PDE4DIP: variants seen among roughly 807,000 people sequenced by gnomAD.
PDE4DIP encodes the protein myomegalin.
A neutral mutation model predicts 221.4 loss-of-function variants in PDE4DIP; 59 were observed. The observed-to-expected ratio is 0.27, with a 90% CI of 0.22 to 0.33. The LOEUF is 0.33. PDE4DIP is among the 10% of genes least tolerant of loss of function. The pLI, the probability that PDE4DIP is intolerant of heterozygous loss-of-function variation, is 1.00. For missense variants in PDE4DIP, 1,036 were observed against 2,154.2 expected, an observed-to-expected ratio of 0.48 and a Z score of 10.28; for synonymous variants, 404 against 815.9, an observed-to-expected ratio of 0.50 and a Z score of 8.60.
intron 4 of PDE4DIP, among the ~76,000 whole-genome samples, chr1:148,934,379 A>T (rs1553473382): frequency 1.3e-5 from 2 of 152,030 alleles, no homozygotes; most frequent in Admixed American, 1.3e-4. Flanking sequence ...ACATCTGAAA[A>T]TAAATTGAGG....
At chr1:148,959,488 A>C (rs1466260876) in intron 5 of PDE4DIP, among the ~76,000 whole-genome samples, 1 of 152,044 alleles carries the variant, frequency 6.6e-6, no homozygotes, top group African/African-American at 2.4e-5. Context: ...AGGGAAACAA[A>C]AAATGAATAG....
intron 2 of PDE4DIP, chr1:148,930,615 A>G (rs1403446564): frequency 6.6e-6 from 1 of 152,102 alleles, no homozygotes; most frequent in African/African-American, 2.4e-5. Flanking sequence ...CTAAAAAAAA[A>G]AAAAAATACC....
rs370573077 is a variant in PDE4DIP, at chr1:149,010,413, T to C, written c.4928-30T>C. 3.3e-4 allele frequency: 532 copies of C among 1,608,950 alleles called. 3 individuals carry two copies. The African/African-American group carries it at 6.4e-3, about 19-fold the overall frequency. On this transcript the variant is annotated intron_variant, in intron 30 of 43. Transcript: ENST00000369354. The stretch of plus-strand genomic sequence containing the variant: ...GATTCCAGTTCTCTGTAGAACATCA[T>C]ACGTTTTCTTTCATTCATGGATTTT...
intron 37 of PDE4DIP, among the ~76,000 whole-genome samples, chr1:149,023,754 A>G (rs1246591683): frequency 9.2e-6 from 1 of 108,916 alleles, no homozygotes; most frequent in African/African-American, 3.6e-5. Flanking sequence ...ATGTGTGCAC[A>G]TATATATGTA....
chr1:148,961,580 T>G (rs587660754), intron 6 of PDE4DIP, among the ~76,000 whole-genome samples: 3 of 152,242 alleles, frequency 2.0e-5, no homozygotes, highest in African/African-American at 7.2e-5. Flanking sequence ...GACAAGTTCC[T>G]AGTATGGCTG....
chr1:148,956,507 A>T (rs1211521718), intron 5 of PDE4DIP, among the ~76,000 whole-genome samples: 1 of 152,164 alleles, frequency 6.6e-6, no homozygotes, highest in Non-Finnish European at 1.5e-5. Flanking sequence ...GAATTTATGT[A>T]TGAGGACCTA....
intron 1 of PDE4DIP, among the ~76,000 whole-genome samples, chr1:148,919,333 G>A (rs2044885548): frequency 6.6e-6 from 1 of 151,606 alleles, no homozygotes; most frequent in African/African-American, 2.4e-5. Context: ...AAAGCTTTGG[G>A]GACGACCAGT....
At chr1:149,020,068 G>C in intron 35 of PDE4DIP, 79 bp from the exon 39 acceptor site, 1 of 524,678 alleles carries the variant, frequency 1.9e-6, no homozygotes, top group Middle Eastern at 5.1e-4. Context: ...CTGTCTGTCA[G>C]GGTGGATGTG....
At chr1:148,996,838 C>T (rs2064333323) in intron 22 of PDE4DIP, among the ~76,000 whole-genome samples, 1 of 152,146 alleles carries the variant, frequency 6.6e-6, no homozygotes, top group Non-Finnish European at 1.5e-5. Context: ...ATTAATTCTA[C>T]AAGTTATCCC....
intron 32 of PDE4DIP, among the ~76,000 whole-genome samples, chr1:149,015,834 C>G (rs1311297690): frequency 6.6e-6 from 1 of 152,164 alleles, no homozygotes; most frequent in Admixed American, 6.5e-5. Context: ...CTGAAAAACT[C>G]CAACGTGGAA....
intron 17 of PDE4DIP, among the ~76,000 whole-genome samples, chr1:148,976,078 T>G (rs200090834): frequency 0.045 from 6,697 of 149,426 alleles, 369 homozygotes; most frequent in East Asian, 0.39. Flanking sequence ...CATTATCTGA[T>G]TATTCATGTC....
exon 19 of PDE4DIP, chr1:148,978,380 C>A: frequency 6.2e-7 from 1 of 1,610,126 alleles, no homozygotes; most frequent in Non-Finnish European, 8.5e-7. Context: ...AGTAGAATCC[C>A]AGGGTCAAGA....
chr1:148,970,507 T>C (rs1173731642), intron 14 of PDE4DIP, among the ~76,000 whole-genome samples: 6 of 150,520 alleles, frequency 4.0e-5, no homozygotes, highest in African/African-American at 1.5e-4. Flanking sequence ...TGTATTCTTC[T>C]AGATCTGCTT....
At position 148,963,748 on chromosome 1, in the gene PDE4DIP, C is replaced by CTTTTTTTTTTTTTT. The variant is rs66921099; in HGVS notation, c.1194+1118_1194+1131dup. Among the ~76,000 whole-genome samples, 8 of 89,162 alleles carry CTTTTTTTTTTTTTT rather than the reference C, an allele frequency of 9.0e-5. No individual in the cohort carries two copies. In the East Asian group the frequency reaches 1.3e-3, roughly 14 times the overall value. The allele number at this position is 89,162 out of a possible 152,430, so 58.5% of individuals were successfully genotyped here. On this transcript the variant is annotated intron_variant, in intron 9 of 43. Transcript: ENST00000369354. ...TTCTTTCCTCTCTCTTTCTTTCCTT[C>CTTTTTTTTTTTTTT]TTTTTTTTTTTTTTTTTTTTTTTGA...
At chr1:148,813,907 C>T in intron 1 of PDE4DIP, among the ~76,000 whole-genome samples, 1 of 37,904 alleles carries the variant, frequency 2.6e-5, no homozygotes, top group Non-Finnish European at 4.5e-5. Context: ...TCGTCTGTAT[C>T]TGGGTTTCTA....
At chr1:148,995,225 G>GT (rs2063930629) in intron 22 of PDE4DIP, among the ~76,000 whole-genome samples, 1 of 148,558 alleles carries the variant, frequency 6.7e-6, no homozygotes, top group East Asian at 2.0e-4. Flanking sequence ...ACTCCATACT[G>GT]TTTTCCACAC....
intron 21 of PDE4DIP, among the ~76,000 whole-genome samples, chr1:148,987,125 G>A (rs1273865895): frequency 8.5e-5 from 13 of 152,156 alleles, no homozygotes; most frequent in Non-Finnish European, 1.8e-4. Context: ...GCTACTTTCT[G>A]AAACATGTGA....
Position 149,019,982 on chromosome 1 carries a change from G to A in PDE4DIP, c.5771-165G>A, listed in dbSNP as rs587715787. On this transcript the variant is annotated intron_variant, in intron 35 of 43. Transcript: ENST00000369354. ...TTTTGCAAAGAGAGAGAGGCACCAT[G>A]CTCCAGGCTCTGGGGGATGTTGAGC... 7.2e-5 allele frequency among the ~76,000 whole-genome samples: 11 copies of A among 152,306 alleles called. No homozygotes were observed. The East Asian group carries it at 2.1e-3, about 29-fold the overall frequency.
Position 148,962,415 on chromosome 1 carries a change from A to G in PDE4DIP, c.982-13A>G, listed in dbSNP as rs1193179374. 3.4e-6 allele frequency: 3 copies of G among 876,862 alleles called. No individual in the cohort carries two copies. Among genetic ancestry groups the G allele is most frequent in the East Asian group, 2.4e-5 (1 of 41,292 alleles). 54.3% of individuals were successfully genotyped at this position (876,862 alleles called of 1,614,324 possible). A position where few individuals can be genotyped will look rare whatever the true frequency, so the allele number is the denominator to read the frequency against. On this transcript the variant is annotated splice_polypyrimidine_tract_variant and intron_variant, in intron 8 of 43. Transcript: ENST00000369354. ...TGCCCTCCTTGTGATTGTGATTTCT[A>G]CTCTCTTTTCAGAGCTCAGAGGGTA... is the stretch of plus-strand genomic sequence containing the variant.
Sources: gnomAD v4.1 joint callset for allele counts (sites outside exome capture counted in the v4.1 genomes callset) on GRCh38, gnomAD v4.1.1 for gene constraint, MANE v1.5 for transcripts, NCBI Gene and HGNC (gene_info 2026-07-23, HGNC 2026-07-21) for gene names.